The following MOB3B variants were observed in gnomAD, a reference collection of about 807,000 sequenced individuals.
The protein encoded by MOB3B is MOB kinase activator 3B, also known as MOB kinase activator-like 2B.
A neutral mutation model predicts 18.7 loss-of-function variants in MOB3B; 7 were observed. The observed-to-expected ratio is 0.37, with a 90% CI of 0.21 to 0.70. The LOEUF (loss-of-function observed/expected upper bound fraction) is 0.70. Ranked by LOEUF, MOB3B falls within the 30% of genes least tolerant of loss-of-function variation. The pLI is 0.52. For synonymous variants in MOB3B, 111 were observed against 99.9 expected, an observed-to-expected ratio of 1.11 and a Z score of -0.66; for missense variants, 253 against 281.3, an observed-to-expected ratio of 0.90 and a Z score of 0.72.
At chr9:27,335,648 A>T (rs1056421569) in intron 3 of MOB3B, among the ~76,000 whole-genome samples, 1 of 152,086 alleles carries the variant, frequency 6.6e-6, no homozygotes, top group African/African-American at 2.4e-5. Context: ...TCTCCCATGG[A>T]ACACACAACG....
At chr9:27,458,950 T>A (rs1819233974) in intron 1 of MOB3B, among the ~76,000 whole-genome samples, 1 of 152,128 alleles carries the variant, frequency 6.6e-6, no homozygotes, top group African/African-American at 2.4e-5. Context: ...GCTGTCTCTT[T>A]AGGTCAAACT....
chr9:27,360,487 A>G (rs752461416), intron 2 of MOB3B, among the ~76,000 whole-genome samples: 3 of 152,260 alleles, frequency 2.0e-5, no homozygotes, highest in Non-Finnish European at 4.4e-5. Flanking sequence ...CCTTGGCGAC[A>G]GAGTGAGACT....
At chr9:27,510,562 C>A (rs559928820) in intron 1 of MOB3B, among the ~76,000 whole-genome samples, 2 of 152,254 alleles carry the variant, frequency 1.3e-5, no homozygotes, top group African/African-American at 4.8e-5. Flanking sequence ...AGGTGCCTTG[C>A]TGCAAGATAT....
At chr9:27,401,138 G>A (rs773783625) in intron 2 of MOB3B, among the ~76,000 whole-genome samples, 157 of 152,182 alleles carry the variant, frequency 1.0e-3, no homozygotes, top group Non-Finnish European at 1.5e-3. Context: ...GGGGCCGGGT[G>A]CTCCTTTCCA....
Position 27,455,537 on chromosome 9 carries a change from A to C in MOB3B, c.14T>G (p.Leu5Arg). The part of the protein sequence containing the change: MSIA[L>R]KQVFNKDKTF... ...CTTGTCCTTGTTGAATACCTGCTTC[A>C]GGGCTATGGACATGGTCTTCTCTTT... The change falls in exon 2 of 4, where the codon CTG becomes CGG. Residue 5 changes from leucine (L) to arginine (R), a missense_variant. Coordinates refer to ENST00000262244, the MANE Select transcript of MOB3B (RefSeq NM_024761.5). 6.2e-7 allele frequency: 1 copy of C among 1,614,168 alleles called. No homozygotes were observed. The highest frequency in any genetic ancestry group is 8.5e-7 in the Non-Finnish European group (1 of 1,180,024).
chr9:27,516,424 A>C (rs1820235088), intron 1 of MOB3B, among the ~76,000 whole-genome samples: 1 of 152,220 alleles, frequency 6.6e-6, no homozygotes. Context: ...AATAGCCCAA[A>C]GAGTTTGACC....
At chr9:27,480,590 G>A (rs570190852) in intron 1 of MOB3B, among the ~76,000 whole-genome samples, 2 of 152,158 alleles carry the variant, frequency 1.3e-5, no homozygotes, top group Admixed American at 6.5e-5. Context: ...GTGAGCCACC[G>A]TGCCTGGCCC....
At chr9:27,434,118 T>C (rs931130012) in intron 2 of MOB3B, among the ~76,000 whole-genome samples, 1 of 152,198 alleles carries the variant, frequency 6.6e-6, no homozygotes, top group African/African-American at 2.4e-5. Context: ...CTTTGTAATT[T>C]GGAATCAGAG....
intron 1 of MOB3B, among the ~76,000 whole-genome samples, chr9:27,501,119 G>A (rs1335911922): frequency 6.6e-6 from 1 of 152,200 alleles, no homozygotes; most frequent in Non-Finnish European, 1.5e-5. Context: ...TGGAGAGGAT[G>A]TGGAGAAATA....
chr9:27,474,447 T>C lies in MOB3B; in HGVS notation c.-198-18699A>G, dbSNP rs183128334. On this transcript the variant is annotated intron_variant, in intron 1 of 3. Coordinates refer to ENST00000262244, the MANE Select transcript of MOB3B (RefSeq NM_024761.5). ...ACCAGAGATTACTTTTTAATTCCTC[T>C]CATCAAGGCTGGCTGAATAAACCTT... Among the ~76,000 whole-genome samples the C allele has an allele frequency of 5.3e-5, 8 of 152,330 alleles. No individual in the cohort carries two copies. In the East Asian group the frequency reaches 1.5e-3, roughly 29 times the overall value.
intron 2 of MOB3B, among the ~76,000 whole-genome samples, chr9:27,380,647 G>A (rs963273767): frequency 2.0e-5 from 3 of 152,084 alleles, no homozygotes; most frequent in Admixed American, 6.5e-5. Context: ...GCCAAATGGT[G>A]GGAGGAGTGG....
intron 2 of MOB3B, among the ~76,000 whole-genome samples, chr9:27,404,442 T>G (rs1821936683): frequency 6.8e-6 from 1 of 147,954 alleles, no homozygotes; most frequent in Non-Finnish European, 1.5e-5. Context: ...TACAACCTCT[T>G]GAACTGCAAA....
chr9:27,368,387 T>C (rs1016269128), intron 2 of MOB3B, among the ~76,000 whole-genome samples: 84 of 109,416 alleles, frequency 7.7e-4, no homozygotes, highest in Admixed American at 1.0e-3. Context: ...CACACACACA[T>C]ACAGAGAGGG....
At chr9:27,384,136 G>C (rs10967918) in intron 2 of MOB3B, among the ~76,000 whole-genome samples, 59,891 of 151,604 alleles carry the variant, frequency 0.4, 12,730 homozygotes, top group Non-Finnish European at 0.48. Flanking sequence ...ACTAAACTTT[G>C]ACAGCCCTGC....
intron 2 of MOB3B, among the ~76,000 whole-genome samples, chr9:27,371,693 C>T (rs747020754): frequency 3.3e-5 from 5 of 152,116 alleles, no homozygotes; most frequent in Non-Finnish European, 5.9e-5. Context: ...GTAATATGAT[C>T]GGGAGTGGCG....
intron 1 of MOB3B, among the ~76,000 whole-genome samples, chr9:27,492,933 G>A (rs1212737484): frequency 3.3e-5 from 5 of 152,122 alleles, no homozygotes. Flanking sequence ...GATTTCTAGG[G>A]TGCAAAATGG....
chr9:27,451,664 C>T (rs1822787107), intron 2 of MOB3B, among the ~76,000 whole-genome samples: 1 of 152,106 alleles, frequency 6.6e-6, no homozygotes, highest in Non-Finnish European at 1.5e-5. Context: ...TCCCAATTCC[C>T]AAGCAGAAAT....
chr9:27,529,477 G>T, intron 1 of MOB3B, 78 bp downstream of exon 1: 1 of 928,328 alleles, frequency 1.1e-6, no homozygotes, highest in Non-Finnish European at 1.3e-6. Context: ...AAACCTCGCC[G>T]CCCGCCCGGG....
At position 27,352,240 on chromosome 9, in the gene MOB3B, G is replaced by C. The variant is rs140250420; in HGVS notation, c.621+6794C>G. 1.8e-4 allele frequency among the ~76,000 whole-genome samples: 27 copies of C among 152,018 alleles called. No individual in the cohort carries two copies. In the East Asian group the frequency reaches 5.2e-3, roughly 29 times the overall value. On this transcript the variant is annotated intron_variant, in intron 3 of 3. Coordinates refer to ENST00000262244, the MANE Select transcript of MOB3B (RefSeq NM_024761.5). ...TACAAAAAATTTAAAAATTAGCCAG[G>C]TGTGGTGACATGTGTTTGTAGCCCC... is the stretch of plus-strand genomic sequence containing the variant.
Sources: gnomAD v4.1 joint callset for allele counts (sites outside exome capture counted in the v4.1 genomes callset) on GRCh38, gnomAD v4.1.1 for gene constraint, MANE v1.5 for transcripts, NCBI Gene and HGNC (gene_info 2026-07-23, HGNC 2026-07-21) for gene names.